Variants in SOX5 observed in about 807,000 individuals in gnomAD.
SOX5 encodes the protein transcription factor SOX-5.
Under a neutral mutation model 92.0 loss-of-function variants are expected in SOX5, and 9 were observed. The ratio of observed to expected loss-of-function variants is 0.10; its 90% CI spans 0.06 to 0.17. The LOEUF (loss-of-function observed/expected upper bound fraction) is 0.17. SOX5 is among the 10% of genes least tolerant of loss of function. The pLI is 1.00. For synonymous variants in SOX5, 344 were observed against 336.3 expected (o/e 1.02, Z -0.25); for missense variants, 642 against 944.5 (o/e 0.68, Z 4.20).
intron 1 of SOX5, among the ~76,000 whole-genome samples, chr12:24,397,360 T>C (rs1280734726): frequency 1.3e-5 from 2 of 152,224 alleles, no homozygotes; most frequent in African/African-American, 2.4e-5. Flanking sequence ...TAAGATCTTA[T>C]CGCCTCAAGA....
intron 4 of SOX5, among the ~76,000 whole-genome samples, chr12:24,006,035 G>A (rs1313953056): frequency 6.6e-6 from 1 of 152,070 alleles, no homozygotes; most frequent in African/African-American, 2.4e-5. Flanking sequence ...CGTTCAGCTA[G>A]GTTTATCACT....
intron 1 of SOX5, among the ~76,000 whole-genome samples, chr12:24,498,224 A>G (rs888765273): frequency 2.0e-5 from 3 of 152,204 alleles, no homozygotes; most frequent in Admixed American, 2.0e-4. Context: ...TAAAAAAAAA[A>G]AAATACTCAG....
intron 1 of SOX5, among the ~76,000 whole-genome samples, chr12:24,376,738 T>TCC (rs1957319978): frequency 2.2e-5 from 1 of 45,078 alleles, no homozygotes; most frequent in African/African-American, 8.3e-5. Flanking sequence ...TTACAGAGTC[T>TCC]CACTGTCACC....
chr12:23,636,756 C>T (rs1049045998), intron 8 of SOX5, among the ~76,000 whole-genome samples: 2 of 152,096 alleles, frequency 1.3e-5, no homozygotes, highest in African/African-American at 4.8e-5. Flanking sequence ...GTCAATTAGT[C>T]AGCATTATTG....
At chr12:24,404,292 G>T (rs897749389) in intron 1 of SOX5, among the ~76,000 whole-genome samples, 2 of 151,982 alleles carry the variant, frequency 1.3e-5, no homozygotes, top group African/African-American at 4.8e-5. Flanking sequence ...TAGGTCAAAA[G>T]CACCAAAAAA....
chr12:24,294,167 A>G (rs549605753), intron 2 of SOX5, among the ~76,000 whole-genome samples: 2 of 152,302 alleles, frequency 1.3e-5, no homozygotes, highest in South Asian at 4.2e-4. Flanking sequence ...GTTCGCCTTC[A>G]TGTAAATAAT....
At chr12:23,603,210 G>A (rs1184646387) in intron 9 of SOX5, among the ~76,000 whole-genome samples, 4 of 151,696 alleles carry the variant, frequency 2.6e-5, no homozygotes, top group African/African-American at 4.8e-5. Context: ...TTACTCTCTG[G>A]AGTATACAAT....
chr12:23,791,316 A>G (rs1374864439), intron 3 of SOX5, among the ~76,000 whole-genome samples: 2 of 152,160 alleles, frequency 1.3e-5, no homozygotes, highest in African/African-American at 2.4e-5. Flanking sequence ...TTAGAAACAG[A>G]GTCTCACTAT....
At chr12:24,246,052 A>G (rs1270843306) in intron 3 of SOX5, among the ~76,000 whole-genome samples, 2 of 152,324 alleles carry the variant, frequency 1.3e-5, no homozygotes, top group Admixed American at 6.5e-5. Flanking sequence ...TTCATTTCAC[A>G]TATGGACAAA....
chr12:23,686,361 T>A (rs1169003986), intron 6 of SOX5, among the ~76,000 whole-genome samples: 1 of 152,210 alleles, frequency 6.6e-6, no homozygotes, highest in African/African-American at 2.4e-5. Flanking sequence ...TTTATTTTTG[T>A]ATTGCATAAA....
At chr12:24,097,981 A>G (rs1182711374) in intron 4 of SOX5, among the ~76,000 whole-genome samples, 2 of 152,154 alleles carry the variant, frequency 1.3e-5, no homozygotes, top group Admixed American at 6.5e-5. Context: ...ACACTATTCT[A>G]TGTCACATCT....
chr12:24,169,107 C>G (rs1053495049), intron 4 of SOX5, among the ~76,000 whole-genome samples: 1 of 152,094 alleles, frequency 6.6e-6, no homozygotes, highest in Non-Finnish European at 1.5e-5. Context: ...TGAATAGCGA[C>G]AACCACATAA....
chr12:24,398,973 C>A (rs1960793216), intron 1 of SOX5, among the ~76,000 whole-genome samples: 4 of 152,148 alleles, frequency 2.6e-5, no homozygotes, highest in Admixed American at 1.3e-4. Context: ...CTTCACTATA[C>A]ATGGAAGTGT....
At chr12:24,224,558 G>GGT (rs370588609) in intron 3 of SOX5, among the ~76,000 whole-genome samples, 5 of 150,120 alleles carry the variant, frequency 3.3e-5, no homozygotes, top group African/African-American at 4.9e-5. Flanking sequence ...TGTGTGTGTG[G>GGT]GTGTGTGTGT....
intron 1 of SOX5, among the ~76,000 whole-genome samples, chr12:24,391,512 C>G (rs1415313644): frequency 6.6e-6 from 1 of 152,160 alleles, no homozygotes; most frequent in Admixed American, 6.5e-5. Context: ...TGGCACCTAA[C>G]TACAGACGTC....
chr12:24,253,741 C>T (rs1940620353), intron 3 of SOX5, among the ~76,000 whole-genome samples: 1 of 152,068 alleles, frequency 6.6e-6, no homozygotes. Context: ...TTGAAAACCC[C>T]AAATTTCCTG....
At chr12:24,158,736 T>A (rs1333343771) in intron 4 of SOX5, among the ~76,000 whole-genome samples, 3 of 151,922 alleles carry the variant, frequency 2.0e-5, no homozygotes, top group Non-Finnish European at 4.4e-5. Context: ...TCTGAAGGCC[T>A]ATGTGATTTT....
At chr12:24,404,064 T>A (rs1022694411) in intron 1 of SOX5, among the ~76,000 whole-genome samples, 1 of 152,182 alleles carries the variant, frequency 6.6e-6, no homozygotes, top group Non-Finnish European at 1.5e-5. Flanking sequence ...ATCCGATAAT[T>A]CTCCTAAATA....
intron 4 of SOX5, among the ~76,000 whole-genome samples, chr12:24,162,454 A>G (rs11047289): frequency 0.46 from 70,582 of 151,830 alleles, 17,239 homozygotes; most frequent in East Asian, 0.84. Context: ...TTTGGTCCAT[A>G]ACTATTGGCA....
Sources: allele counts gnomAD v4.1 joint callset (sites outside exome capture counted in the v4.1 genomes callset), GRCh38; gene constraint gnomAD v4.1.1; transcripts MANE v1.5; gene names NCBI Gene and HGNC (gene_info 2026-07-23, HGNC 2026-07-21).